Variants in PRELID2 observed in about 807,000 individuals in gnomAD.
The protein encoded by PRELID2 is PRELI domain-containing protein 2.
Under a neutral mutation model 28.4 loss-of-function variants are expected in PRELID2, and 25 were observed. That is an observed-to-expected ratio of 0.88 (90% CI 0.64 to 1.23). PRELID2 has a LOEUF of 1.23. Ranked by LOEUF, PRELID2 falls within the 50% of genes most tolerant of loss-of-function variation. The pLI, the probability that PRELID2 is intolerant of heterozygous loss-of-function variation, is 0.00. For synonymous variants in PRELID2, 76 were observed against 71.6 expected (o/e 1.06, Z -0.31); for missense variants, 201 against 214.4 (o/e 0.94, Z 0.39).
chr5:145,722,852 A>G (rs2149718847), intron 1 of PRELID2, among the ~76,000 whole-genome samples: 1 of 152,316 alleles, frequency 6.6e-6, no homozygotes, highest in South Asian at 2.1e-4. Flanking sequence ...TGACTAAAGT[A>G]GAGTTTAGAA....
At chr5:145,414,838 A>ATTTCATT in the PRELID2 span, among the ~76,000 whole-genome samples, 1 of 152,200 alleles carries the variant, frequency 6.6e-6, no homozygotes, top group Non-Finnish European at 1.5e-5. Context: ...CATAGGCAGA[A>ATTTCATT]TGATTTCATT....
chr5:145,261,358 G>A, the PRELID2 span, among the ~76,000 whole-genome samples: 3 of 152,170 alleles, frequency 2.0e-5, no homozygotes, highest in Non-Finnish European at 4.4e-5. Context: ...ACAACTCCTG[G>A]CTGGAGGCCA....
At chr5:145,780,630 T>C (rs974210745) in intron 5 of PRELID2, among the ~76,000 whole-genome samples, 2 of 152,198 alleles carry the variant, frequency 1.3e-5, no homozygotes, top group Non-Finnish European at 2.9e-5. Context: ...TTTAAAGATT[T>C]TAAAAGTCTT....
At chr5:145,830,445 A>AT (rs1755509302) in intron 1 of PRELID2, among the ~76,000 whole-genome samples, 1 of 152,232 alleles carries the variant, frequency 6.6e-6, no homozygotes, top group African/African-American at 2.4e-5. Context: ...AGGCAAGCCC[A>AT]TTAAAAAGGT....
chr5:145,356,500 T>C, the PRELID2 span, among the ~76,000 whole-genome samples: 2 of 152,120 alleles, frequency 1.3e-5, no homozygotes, highest in African/African-American at 2.4e-5. Flanking sequence ...ACTTGTTTAA[T>C]TGAACACTTT....
At chr5:145,394,028 C>A in the PRELID2 span, among the ~76,000 whole-genome samples, 1 of 152,156 alleles carries the variant, frequency 6.6e-6, no homozygotes, top group Non-Finnish European at 1.5e-5. Context: ...TGTGGCGATT[C>A]CTCAGGGATC....
intron 1 of PRELID2, among the ~76,000 whole-genome samples, chr5:145,589,316 G>A (rs1367235175): frequency 6.6e-6 from 1 of 152,066 alleles, no homozygotes; most frequent in Non-Finnish European, 1.5e-5. Flanking sequence ...GCTCTTACAT[G>A]TTCAATTACT....
chr5:145,416,401 G>A, the PRELID2 span, among the ~76,000 whole-genome samples: 1 of 151,938 alleles, frequency 6.6e-6, no homozygotes, highest in Non-Finnish European at 1.5e-5. Context: ...GGCAACAAAA[G>A]ACAAAATTGA....
downstream of PRELID2, among the ~76,000 whole-genome samples, chr5:145,751,983 A>T (rs975051416): frequency 3.9e-5 from 6 of 152,148 alleles, no homozygotes; most frequent in Non-Finnish European, 8.8e-5. Flanking sequence ...ACTGCATCTC[A>T]AAAAAAGAAA....
intron 1 of PRELID2, among the ~76,000 whole-genome samples, chr5:145,727,188 C>T (rs1756194124): frequency 6.6e-6 from 1 of 152,152 alleles, no homozygotes; most frequent in African/African-American, 2.4e-5. Flanking sequence ...AATTCCAAGA[C>T]ACAATCAATC....
chr5:145,447,066 T>TAAATAAATAAATAAATAAAG, the PRELID2 span, among the ~76,000 whole-genome samples: 77 of 149,854 alleles, frequency 5.1e-4, 1 homozygote, highest in Non-Finnish European at 1.0e-3. Context: ...AATAAATAAA[T>TAAATAAATAAATAAATAAAG]AAATAAATAA....
intron 5 of PRELID2, among the ~76,000 whole-genome samples, chr5:145,779,668 T>A (rs1465535613): frequency 6.6e-6 from 1 of 152,210 alleles, no homozygotes; most frequent in Non-Finnish European, 1.5e-5. Flanking sequence ...AGTTATCATT[T>A]ATGAAGTATT....
chr5:145,663,033 A>G (rs774247564), intron 1 of PRELID2, among the ~76,000 whole-genome samples: 6 of 152,130 alleles, frequency 3.9e-5, no homozygotes, highest in Non-Finnish European at 4.4e-5. Context: ...GCCTCATTGA[A>G]TGGCTTCTGA....
At chr5:145,697,033 TTATATATATATATA>T (rs36117637) in intron 1 of PRELID2, among the ~76,000 whole-genome samples, 655 of 50,654 alleles carry the variant, frequency 0.013, 13 homozygotes, top group Middle Eastern at 0.033. Flanking sequence ...GAGAGGAAAA[TTATATATATATATA>T]TATATATATA....
chr5:145,276,311 T>C, the PRELID2 span, among the ~76,000 whole-genome samples: 6,742 of 152,164 alleles, frequency 0.044, 461 homozygotes, highest in African/African-American at 0.15. Flanking sequence ...CACTAAAATA[T>C]CTCATCTAAG....
Position 145,692,818 on chromosome 5 carries a change from C to T in PRELID2, n.70+72113G>A, listed in dbSNP as rs1181562730. ...CTTTAATGTTAAGTATACAGATTTGCTTTATTTTACTTGCTCAGTTTTTGC... is the reference window on the plus strand; with the variant it reads ...CTTTAATGTTAAGTATACAGATTTGTTTTATTTTACTTGCTCAGTTTTTGC... On this transcript the variant is annotated intron_variant and non_coding_transcript_variant, in intron 1 of 2. Transcript: ENST00000510259. Among the ~76,000 whole-genome samples the T allele has an allele frequency of 2.0e-5, 3 of 152,158 alleles. No individual in the cohort carries two copies. In the East Asian group the frequency reaches 5.8e-4, roughly 29 times the overall value.
intron 1 of PRELID2, among the ~76,000 whole-genome samples, chr5:145,488,412 G>A (rs554831468): frequency 2.6e-5 from 4 of 152,118 alleles, no homozygotes; most frequent in African/African-American, 4.8e-5. Context: ...GGCCACTCCC[G>A]TGTTTTTCCC....
the PRELID2 span, among the ~76,000 whole-genome samples, chr5:145,299,635 A>ATATGTGTGTGTG: frequency 1.9e-3 from 209 of 107,610 alleles, 2 homozygotes; most frequent in East Asian, 0.038. Flanking sequence ...CTACATATAT[A>ATATGTGTGTGTG]TGTGTGTGCG....
chr5:145,494,642 G>T (rs1038799279), intron 1 of PRELID2, among the ~76,000 whole-genome samples: 1 of 152,064 alleles, frequency 6.6e-6, no homozygotes, highest in Non-Finnish European at 1.5e-5. Context: ...AAATAAAAGA[G>T]AGAGAATAGA....
Sources: gnomAD v4.1 joint callset for allele counts (sites outside exome capture counted in the v4.1 genomes callset) on GRCh38, gnomAD v4.1.1 for gene constraint, MANE v1.5 for transcripts, NCBI Gene and HGNC (gene_info 2026-07-23, HGNC 2026-07-21) for gene names.